ARHGAP10: variants seen among roughly 807,000 people sequenced by gnomAD.
The protein encoded by ARHGAP10 is rho GTPase-activating protein 10.
Under a neutral mutation model 108.6 loss-of-function variants are expected in ARHGAP10, and 87 were observed. That is an observed-to-expected ratio of 0.80 (90% CI 0.67 to 0.96). The LOEUF (loss-of-function observed/expected upper bound fraction) is 0.96, where lower values mean the gene tolerates loss of function less well. ARHGAP10 is among the 40% of genes least tolerant of loss of function. The pLI is 0.00. For synonymous variants in ARHGAP10, 347 were observed against 341.1 expected (o/e 1.02, Z -0.19); for missense variants, 939 against 954.5 (o/e 0.98, Z 0.21).
rs11420720 is a variant in ARHGAP10 at position 147,742,476 on chromosome 4, C to CTTTTTTTTT, written c.154+10037_154+10045dup. 1.6e-4 allele frequency among the ~76,000 whole-genome samples: 14 copies of CTTTTTTTTT among 86,526 alleles called. 1 individual carries two copies. Among genetic ancestry groups the CTTTTTTTTT allele is most frequent in the African/African-American group, 2.0e-4 (4 of 20,044 alleles). The allele number at this position is 86,526 out of a possible 152,430, so 56.8% of individuals were successfully genotyped here. On this transcript the variant is annotated intron_variant, in intron 1 of 22. Coordinates refer to ENST00000336498, the MANE Select transcript of ARHGAP10 (RefSeq NM_024605.4). ...TTACAGGAGAAATAGTCTGTGAACA[C>CTTTTTTTTT]TTTTTTTTTTTTTTTTTTTTTTTTG... is the stretch of plus-strand genomic sequence containing the variant.
chr4:147,935,151 C>T (rs1737873519), intron 13 of ARHGAP10, among the ~76,000 whole-genome samples: 2 of 152,018 alleles, frequency 1.3e-5, no homozygotes, highest in East Asian at 1.9e-4. Flanking sequence ...GGGTGATGGT[C>T]GAGCTGTCTG....
At chr4:147,737,775 C>T (rs1728480440) in intron 1 of ARHGAP10, among the ~76,000 whole-genome samples, 1 of 152,122 alleles carries the variant, frequency 6.6e-6, no homozygotes, top group Non-Finnish European at 1.5e-5. Context: ...AGGGTGGGGA[C>T]CCAGACAGGC....
chr4:147,960,897 A>G (rs1291067540), intron 16 of ARHGAP10, among the ~76,000 whole-genome samples: 1 of 152,214 alleles, frequency 6.6e-6, no homozygotes, highest in Non-Finnish European at 1.5e-5. Flanking sequence ...TGAAACATTC[A>G]TTCATTTTCA....
chr4:147,944,307 C>G (rs1425789136), intron 14 of ARHGAP10, among the ~76,000 whole-genome samples: 1 of 152,176 alleles, frequency 6.6e-6, no homozygotes, highest in East Asian at 1.9e-4. Flanking sequence ...ATTGTAGGAA[C>G]TGATCAAAAT....
intron 7 of ARHGAP10, among the ~76,000 whole-genome samples, chr4:147,867,984 A>G (rs1734639008): frequency 7.1e-6 from 1 of 140,784 alleles, no homozygotes; most frequent in African/African-American, 2.7e-5. Flanking sequence ...ATAAAACCTT[A>G]TTTTTATAAT....
At chr4:147,743,976 G>A (rs1239616763) in intron 1 of ARHGAP10, among the ~76,000 whole-genome samples, 1 of 152,158 alleles carries the variant, frequency 6.6e-6, no homozygotes, top group Non-Finnish European at 1.5e-5. Flanking sequence ...TGACAGTGGT[G>A]GAGTGGTGTC....
chr4:147,893,819 A>T, intron 10 of ARHGAP10, among the ~76,000 whole-genome samples: 1 of 152,048 alleles, frequency 6.6e-6, no homozygotes, highest in East Asian at 1.9e-4. Context: ...AGTGGAACTG[A>T]TAGAACATGG....
At chr4:147,777,346 C>T (rs1200824379) in intron 1 of ARHGAP10, among the ~76,000 whole-genome samples, 1 of 151,772 alleles carries the variant, frequency 6.6e-6, no homozygotes, top group Admixed American at 6.6e-5. Flanking sequence ...GCAAGCTCCA[C>T]CTCCCGGGTT....
At chr4:147,870,325 T>G (rs1734764275) in intron 7 of ARHGAP10, among the ~76,000 whole-genome samples, 1 of 152,154 alleles carries the variant, frequency 6.6e-6, no homozygotes, top group Admixed American at 6.5e-5. Context: ...CCTCCCAAAG[T>G]GTTGGGATTA....
chr4:147,928,893 C>T (rs1737565820), intron 13 of ARHGAP10, among the ~76,000 whole-genome samples: 1 of 152,126 alleles, frequency 6.6e-6, no homozygotes, highest in Non-Finnish European at 1.5e-5. Flanking sequence ...AACATTATCT[C>T]CTTTAATGTT....
At chr4:147,811,952 T>C (rs1267942299) in intron 1 of ARHGAP10, among the ~76,000 whole-genome samples, 1 of 152,150 alleles carries the variant, frequency 6.6e-6, no homozygotes, top group African/African-American at 2.4e-5. Context: ...CTGTGTTAGC[T>C]TGGTGCCTTA....
chr4:147,781,681 C>CTTTTTTT (rs56781517), intron 1 of ARHGAP10, among the ~76,000 whole-genome samples: 88 of 130,514 alleles, frequency 6.7e-4, no homozygotes, highest in African/African-American at 2.4e-3. Flanking sequence ...CTTTTCTTTT[C>CTTTTTTT]TTTTTTTTTT....
At chr4:147,924,970 T>A (rs1026407509) in intron 13 of ARHGAP10, among the ~76,000 whole-genome samples, 4 of 144,354 alleles carry the variant, frequency 2.8e-5, no homozygotes, top group Non-Finnish European at 5.9e-5. Flanking sequence ...AAGAACTTTC[T>A]ATTTTTTTTT....
intron 15 of ARHGAP10, among the ~76,000 whole-genome samples, chr4:147,947,447 C>T (rs1357056589): frequency 6.6e-6 from 1 of 151,086 alleles, no homozygotes; most frequent in Admixed American, 6.6e-5. Flanking sequence ...TTTTTGCCCA[C>T]GCTGGAGTGC....
intron 6 of ARHGAP10, chr4:147,865,566 A>C (rs1241136398): frequency 6.8e-6 from 1 of 147,190 alleles, no homozygotes; most frequent in Non-Finnish European, 1.5e-5. Flanking sequence ...AGGATATTTC[A>C]TGTGGATTTC....
At chr4:148,062,304 C>T (rs951783355) in intron 20 of ARHGAP10, among the ~76,000 whole-genome samples, 5 of 152,100 alleles carry the variant, frequency 3.3e-5, no homozygotes, top group Non-Finnish European at 5.9e-5. Flanking sequence ...GCAGAAGCCT[C>T]GGGAAACTGC....
chr4:148,037,308 A>T (rs573414820), intron 19 of ARHGAP10, among the ~76,000 whole-genome samples: 28 of 152,310 alleles, frequency 1.8e-4, no homozygotes, highest in African/African-American at 6.5e-4. Context: ...AGTGGATGTT[A>T]TGATGTACTT....
At chr4:147,886,246 T>A (rs557973046) in intron 10 of ARHGAP10, among the ~76,000 whole-genome samples, 1 of 152,224 alleles carries the variant, frequency 6.6e-6, no homozygotes, top group Admixed American at 6.5e-5. Context: ...CCAATTCTGC[T>A]CTTTTTACAA....
chr4:147,758,983 A>C (rs1048060076), intron 1 of ARHGAP10, among the ~76,000 whole-genome samples: 23 of 151,912 alleles, frequency 1.5e-4, no homozygotes, highest in Non-Finnish European at 3.2e-4. Context: ...AAAAAAAAAA[A>C]AAAAAAAACC....
Sources: gnomAD v4.1 joint callset for allele counts (sites outside exome capture counted in the v4.1 genomes callset) on GRCh38, gnomAD v4.1.1 for gene constraint, MANE v1.5 for transcripts, NCBI Gene and HGNC (gene_info 2026-07-23, HGNC 2026-07-21) for gene names.